Variants in RPS6KC1 observed in about 807,000 individuals in gnomAD.
The protein encoded by RPS6KC1 is inactive ribosomal protein S6 kinase delta-1.
Under a neutral mutation model 103.8 loss-of-function variants are expected in RPS6KC1, and 54 were observed. That is an observed-to-expected ratio of 0.52 (90% CI 0.42 to 0.65). RPS6KC1 has a LOEUF of 0.65. Ranked by LOEUF, RPS6KC1 falls within the 30% of genes least tolerant of loss-of-function variation. The probability of loss-of-function intolerance (pLI) is 0.00; values close to 1 mark genes in which losing one functional copy is unlikely to be tolerated. For missense variants in RPS6KC1, 1,151 were observed against 1,253.8 expected (o/e 0.92, Z 1.24); for synonymous variants, 439 against 438.7 (o/e 1.00, Z -0.01).
the RPS6KC1 span, among the ~76,000 whole-genome samples, chr1:213,781,724 G>A: frequency 2.0e-5 from 3 of 152,028 alleles, no homozygotes; most frequent in Non-Finnish European, 4.4e-5. Context: ...CCTATTCTGG[G>A]TTCAAGAGCA....
intron 3 of RPS6KC1, among the ~76,000 whole-genome samples, chr1:213,084,289 A>C (rs1377824220): frequency 6.6e-6 from 1 of 151,758 alleles, no homozygotes; most frequent in Admixed American, 6.6e-5. Context: ...AACTTTTTTG[A>C]GACAGGGTCT....
the RPS6KC1 span, among the ~76,000 whole-genome samples, chr1:213,778,755 G>A: frequency 2.0e-5 from 3 of 152,062 alleles, no homozygotes; most frequent in Admixed American, 1.3e-4. Context: ...AGCAGAACCT[G>A]TACCTTGGTG....
the RPS6KC1 span, among the ~76,000 whole-genome samples, chr1:213,413,098 A>T: frequency 6.6e-6 from 1 of 152,210 alleles, no homozygotes; most frequent in Non-Finnish European, 1.5e-5. Flanking sequence ...TGACGATGTG[A>T]CGGAGTATGT....
At chr1:213,640,011 A>G in the RPS6KC1 span, among the ~76,000 whole-genome samples, 1 of 152,000 alleles carries the variant, frequency 6.6e-6, no homozygotes, top group Middle Eastern at 3.2e-3. Flanking sequence ...CCAGTAAATT[A>G]CATATGGATC....
At chr1:213,678,152 A>G in the RPS6KC1 span, among the ~76,000 whole-genome samples, 3 of 152,208 alleles carry the variant, frequency 2.0e-5, no homozygotes, top group African/African-American at 7.2e-5. Flanking sequence ...ATTAGGTGTT[A>G]TTAATTTGGT....
chr1:213,236,617 G>T (rs1335263280), intron 10 of RPS6KC1, among the ~76,000 whole-genome samples: 1 of 152,128 alleles, frequency 6.6e-6, no homozygotes. Context: ...TCAAGGCCAT[G>T]AGAGTTTAAG....
chr1:213,794,080 C>T, the RPS6KC1 span, among the ~76,000 whole-genome samples: 2 of 152,160 alleles, frequency 1.3e-5, no homozygotes, highest in African/African-American at 4.8e-5. Flanking sequence ...GCTGGATTTA[C>T]ACAGAATCTG....
chr1:213,714,330 GT>G, the RPS6KC1 span, among the ~76,000 whole-genome samples: 9 of 152,208 alleles, frequency 5.9e-5, no homozygotes, highest in Non-Finnish European at 1.3e-4. Context: ...GGATTTTAAA[GT>G]TTTGGGATGA....
the RPS6KC1 span, among the ~76,000 whole-genome samples, chr1:213,798,993 A>G: frequency 2.6e-5 from 4 of 152,182 alleles, no homozygotes; most frequent in African/African-American, 9.7e-5. Context: ...CCCAATTCTA[A>G]TCTGACCTCA....
chr1:213,400,871 T>C, the RPS6KC1 span, among the ~76,000 whole-genome samples: 1 of 152,176 alleles, frequency 6.6e-6, no homozygotes, highest in African/African-American at 2.4e-5. Context: ...CGTGCCTGGC[T>C]AACTTTTGTA....
chr1:213,384,504 G>A, the RPS6KC1 span, among the ~76,000 whole-genome samples: 1 of 151,996 alleles, frequency 6.6e-6, no homozygotes, highest in Non-Finnish European at 1.5e-5. Context: ...TGCAGTGGTC[G>A]GAGGCTTGCA....
chr1:213,522,235 A>G, the RPS6KC1 span, among the ~76,000 whole-genome samples: 1 of 152,214 alleles, frequency 6.6e-6, no homozygotes, highest in Non-Finnish European at 1.5e-5. Flanking sequence ...CCAACAAGCA[A>G]TAATATTTTG....
At chr1:213,627,309 A>C in the RPS6KC1 span, among the ~76,000 whole-genome samples, 2,307 of 152,296 alleles carry the variant, frequency 0.015, 63 homozygotes, top group African/African-American at 0.053. Flanking sequence ...CTGTCAGCTT[A>C]AGGAGATTTT....
chr1:213,517,656 G>A, the RPS6KC1 span, among the ~76,000 whole-genome samples: 1 of 152,130 alleles, frequency 6.6e-6, no homozygotes. Flanking sequence ...CAACTATGTG[G>A]TCAATTTTGG....
chr1:213,720,605 T>G, the RPS6KC1 span, among the ~76,000 whole-genome samples: 1 of 152,160 alleles, frequency 6.6e-6, no homozygotes, highest in Non-Finnish European at 1.5e-5. Flanking sequence ...GGAGAACTTG[T>G]TTTAGGTACA....
the RPS6KC1 span, among the ~76,000 whole-genome samples, chr1:213,510,934 G>A: frequency 3.3e-5 from 5 of 152,204 alleles, no homozygotes; most frequent in Admixed American, 1.3e-4. Context: ...TATTGACTGA[G>A]TACTTAACTG....
the RPS6KC1 span, among the ~76,000 whole-genome samples, chr1:213,534,548 G>T: frequency 1.3e-5 from 2 of 152,158 alleles, no homozygotes; most frequent in African/African-American, 4.8e-5. Context: ...CTGCTCTTCT[G>T]CTGGTGTGCA....
chr1:213,634,176 A>G, the RPS6KC1 span, among the ~76,000 whole-genome samples: 1 of 152,188 alleles, frequency 6.6e-6, no homozygotes, highest in Non-Finnish European at 1.5e-5. Context: ...TCAATGAGAC[A>G]GAAGGTTAAC....
the RPS6KC1 span, among the ~76,000 whole-genome samples, chr1:213,564,601 T>C: frequency 6.6e-6 from 1 of 152,226 alleles, no homozygotes; most frequent in African/African-American, 2.4e-5. Flanking sequence ...TAGTGGTCAG[T>C]TTCTTTGTCA....
Sources: allele counts gnomAD v4.1 joint callset (sites outside exome capture counted in the v4.1 genomes callset), GRCh38; gene constraint gnomAD v4.1.1; transcripts MANE v1.5; gene names NCBI Gene and HGNC (gene_info 2026-07-23, HGNC 2026-07-21).